The following ROBO2 variants were observed in gnomAD, a reference collection of about 807,000 sequenced individuals.
ROBO2 encodes the protein roundabout guidance receptor 2, also known as roundabout homolog 2.
ROBO2 carries 53 observed loss-of-function variants against 160.8 expected under a neutral mutation model. That is an observed-to-expected ratio of 0.33 (90% CI 0.26 to 0.41). The LOEUF (loss-of-function observed/expected upper bound fraction) is 0.41. Among genes scored for constraint, ROBO2 ranks in the 10% least tolerant of loss-of-function variants. The pLI, the probability that ROBO2 is intolerant of heterozygous loss-of-function variation, is 1.00. For synonymous variants in ROBO2, 664 were observed against 611.7 expected, an observed-to-expected ratio of 1.09 and a Z score of -1.26; for missense variants, 1,577 against 1,722.4, an observed-to-expected ratio of 0.92 and a Z score of 1.49.
chr3:75,966,523 CTG>C (rs1949120992), intron 2 of ROBO2, among the ~76,000 whole-genome samples: 5 of 151,796 alleles, frequency 3.3e-5, no homozygotes, highest in Admixed American at 3.3e-4. Flanking sequence ...AAAATACAGA[CTG>C]TGGTGCTGCC....
At chr3:77,607,728 C>A in intron 20 of ROBO2, 70 bp from the exon 22 acceptor site, 4 of 1,370,306 alleles carry the variant, frequency 2.9e-6, no homozygotes, top group Middle Eastern at 3.7e-4. Context: ...CATAAATACA[C>A]CTTGCCATCT....
chr3:77,038,662 A>G (rs2063779607), upstream of ROBO2, among the ~76,000 whole-genome samples: 1 of 152,040 alleles, frequency 6.6e-6, no homozygotes. Context: ...CATCTGAACA[A>G]GCATCAAACG....
chr3:76,405,062 G>C (rs184336813), intron 2 of ROBO2, among the ~76,000 whole-genome samples: 1 of 151,672 alleles, frequency 6.6e-6, no homozygotes, highest in African/African-American at 2.4e-5. Flanking sequence ...CATGTGTGGA[G>C]GGAAATATGA....
At chr3:77,313,828 C>T (rs748988318) in intron 2 of ROBO2, among the ~76,000 whole-genome samples, 1 of 152,182 alleles carries the variant, frequency 6.6e-6, no homozygotes, top group Non-Finnish European at 1.5e-5. Flanking sequence ...AGGTGATCTG[C>T]CTACCTCGGC....
intron 2 of ROBO2, among the ~76,000 whole-genome samples, chr3:76,355,288 A>G (rs1403426679): frequency 6.6e-6 from 1 of 151,788 alleles, no homozygotes; most frequent in Non-Finnish European, 1.5e-5. Context: ...AACATTAGGA[A>G]ATTGTATGTA....
intron 2 of ROBO2, among the ~76,000 whole-genome samples, chr3:77,270,761 G>A (rs1375877055): frequency 6.6e-6 from 1 of 152,040 alleles, no homozygotes; most frequent in African/African-American, 2.4e-5. Flanking sequence ...TGGCCAACAT[G>A]GTGAAACCCC....
chr3:76,258,711 T>C (rs1311641412), intron 2 of ROBO2, among the ~76,000 whole-genome samples: 7 of 152,112 alleles, frequency 4.6e-5, no homozygotes, highest in Admixed American at 1.3e-4. Flanking sequence ...TTAGTTCTCT[T>C]GTTTGATTCG....
At chr3:77,271,185 T>G (rs62249720) in intron 2 of ROBO2, among the ~76,000 whole-genome samples, 160 of 152,230 alleles carry the variant, frequency 1.1e-3, no homozygotes, top group Non-Finnish European at 1.8e-3. Context: ...CCGTGCTAGG[T>G]GTTAGAATGA....
chr3:77,480,786 AT>A (rs2084594611), intron 3 of ROBO2, among the ~76,000 whole-genome samples: 1 of 152,130 alleles, frequency 6.6e-6, no homozygotes, highest in South Asian at 2.1e-4. Flanking sequence ...GACAATAGCA[AT>A]TTATTCAAAT....
At chr3:76,264,280 C>T (rs1706957029) in intron 2 of ROBO2, among the ~76,000 whole-genome samples, 1 of 149,538 alleles carries the variant, frequency 6.7e-6, no homozygotes, top group African/African-American at 2.4e-5. Context: ...GCCATAATTA[C>T]AAAGTAATAT....
intron 2 of ROBO2, among the ~76,000 whole-genome samples, chr3:76,111,828 G>GTC (rs1319477104): frequency 6.6e-6 from 1 of 151,642 alleles, no homozygotes; most frequent in Admixed American, 6.6e-5. Flanking sequence ...CTCTCTCCCT[G>GTC]TCTCTCTCTC....
At chr3:76,628,837 AAGAC>A (rs2089841475) in intron 2 of ROBO2, among the ~76,000 whole-genome samples, 1 of 152,214 alleles carries the variant, frequency 6.6e-6, no homozygotes, top group South Asian at 2.1e-4. Flanking sequence ...CCATAAATAA[AAGAC>A]AGGGCAATGT....
At position 77,552,534 on chromosome 3, in the gene ROBO2, T is replaced by C. The variant is rs563866616; in HGVS notation, c.1231+1545T>C. 3.9e-5 allele frequency among the ~76,000 whole-genome samples: 6 copies of C among 152,148 alleles called. No individual in the cohort carries two copies. The South Asian group carries it at 1.2e-3, about 31-fold the overall frequency. ...TAGCTCATGCTATATTACAAAACAG[T>C]AGTTAGTCTAGCTTTCTTTCTGTGG... On this transcript the variant is annotated intron_variant, in intron 8 of 25. Transcript: ENST00000461745.
chr3:76,074,726 A>G (rs2068586781), intron 2 of ROBO2, among the ~76,000 whole-genome samples: 1 of 152,218 alleles, frequency 6.6e-6, no homozygotes, highest in African/African-American at 2.4e-5. Context: ...AAAATAGTCA[A>G]TAAAATGAAT....
At chr3:77,555,502 A>G (rs1200197560) in intron 8 of ROBO2, among the ~76,000 whole-genome samples, 3 of 152,004 alleles carry the variant, frequency 2.0e-5, no homozygotes, top group Non-Finnish European at 4.4e-5. Context: ...ATATGTTTCA[A>G]TATACTTGAG....
intron 2 of ROBO2, among the ~76,000 whole-genome samples, chr3:77,319,345 C>T (rs892333963): frequency 6.6e-6 from 1 of 152,172 alleles, no homozygotes; most frequent in Admixed American, 6.5e-5. Flanking sequence ...ATTTTTATCA[C>T]AGTGACTTCA....
At chr3:77,204,545 A>G (rs1200846192) in intron 2 of ROBO2, among the ~76,000 whole-genome samples, 2 of 152,130 alleles carry the variant, frequency 1.3e-5, no homozygotes, top group Non-Finnish European at 2.9e-5. Flanking sequence ...AAAAATCTAT[A>G]TGTTTAAGTT....
intron 2 of ROBO2, among the ~76,000 whole-genome samples, chr3:77,440,083 A>G (rs1407602055): frequency 6.6e-6 from 1 of 152,224 alleles, no homozygotes; most frequent in Admixed American, 6.5e-5. Flanking sequence ...ATATAAATGT[A>G]GCTAAAACAC....
chr3:76,937,701 C>G lies in ROBO2; in HGVS notation c.110-160313C>G, dbSNP rs570044830. On this transcript the variant is annotated intron_variant, in intron 2 of 26. Coordinates refer to the ROBO2 transcript ENST00000487694. The stretch of plus-strand genomic sequence containing the variant: ...ACATCAAACTGAATATAAAACTCTG[C>G]ATTTTAACCTAAGCATTTTTAGACA... Among the ~76,000 whole-genome samples the G allele has an allele frequency of 4.6e-5, 7 of 152,234 alleles. No individual in the cohort carries two copies. In the South Asian group the frequency reaches 1.5e-3, roughly 32 times the overall value.
Sources: allele counts gnomAD v4.1 joint callset (sites outside exome capture counted in the v4.1 genomes callset), GRCh38; gene constraint gnomAD v4.1.1; transcripts MANE v1.5; gene names NCBI Gene and HGNC (gene_info 2026-07-23, HGNC 2026-07-21).